Variants in ISLR2 observed in about 807,000 individuals in gnomAD.
The protein encoded by ISLR2 is immunoglobulin superfamily containing leucine-rich repeat protein 2.
Under a neutral mutation model 25.5 loss-of-function variants are expected in ISLR2, and 16 were observed. The observed-to-expected ratio is 0.63, with a 90% CI of 0.43 to 0.95. The LOEUF (loss-of-function observed/expected upper bound fraction) is 0.95. ISLR2 is among the 40% of genes least tolerant of loss of function. The pLI is 0.00. For synonymous variants in ISLR2, 508 were observed against 486.6 expected (o/e 1.04, Z -0.58); for missense variants, 883 against 1,030.7 (o/e 0.86, Z 1.96).
Position 74,136,159 on chromosome 15 carries a change from C to T in ISLR2, c.*1167C>T, listed in dbSNP as rs1429740406. The T allele has an allele frequency of 6.0e-6, 1 of 166,734 alleles. No homozygotes were observed. Among genetic ancestry groups the T allele is most frequent in the East Asian group, 1.9e-4 (1 of 5,182 alleles). 10.3% of individuals were successfully genotyped at this position (166,734 alleles called of 1,614,324 possible). A position where few individuals can be genotyped will look rare whatever the true frequency, so the allele number is the denominator to read the frequency against. On this transcript the variant is annotated 3_prime_UTR_variant, in exon 3 of 3. Transcript: ENST00000453268. ...ACCGCGCGCCCCTTGGCGGCTGAGC[C>T]TGTGGACTTGGTCGCGGGCCAATTT...
At chr15:74,119,233 C>T (rs1287133493) in intron 2 of ISLR2, among the ~76,000 whole-genome samples, 2 of 151,718 alleles carry the variant, frequency 1.3e-5, no homozygotes, top group Non-Finnish European at 2.9e-5. Flanking sequence ...TTTCCCCAGA[C>T]AGGGTCTTAC....
At chr15:74,121,263 G>A (rs2141937215) in intron 2 of ISLR2, among the ~76,000 whole-genome samples, 1 of 152,262 alleles carries the variant, frequency 6.6e-6, no homozygotes, top group African/African-American at 2.4e-5. Context: ...TGGGGCCCTG[G>A]GAGAGGCAAA....
At chr15:74,128,125 CATT>C, upstream of ISLR2, 1 of 300,546 alleles carries the variant, frequency 3.3e-6, no homozygotes, top group South Asian at 2.8e-5. Flanking sequence ...ACGTTATAAA[CATT>C]AGACCCGCTT....
Position 74,120,749 on chromosome 15 carries a change from G to A in ISLR2, n.229-10458G>A, listed in dbSNP as rs74608734. On this transcript the variant is annotated intron_variant and non_coding_transcript_variant, in intron 2 of 3. Transcript: ENST00000561975. ...ACCCTTTGTGATCTCATATGCAAAT[G>A]GGGGTGATAATGCATACTTCACAAA... Among the ~76,000 whole-genome samples, 1,491 of 152,138 alleles carry A rather than the reference G, an allele frequency of 9.8e-3. 12 individuals carry two copies. Among genetic ancestry groups the A allele is most frequent in the Non-Finnish European group, 0.014 (976 of 68,008 alleles).
intron 2 of ISLR2, among the ~76,000 whole-genome samples, chr15:74,108,888 G>T (rs944031983): frequency 8.5e-5 from 13 of 152,320 alleles, no homozygotes; most frequent in African/African-American, 3.1e-4. Flanking sequence ...AGGGTATCCA[G>T]ACAGAGGACC....
At chr15:74,123,371 G>A (rs983369220), upstream of ISLR2, among the ~76,000 whole-genome samples, 6 of 152,256 alleles carry the variant, frequency 3.9e-5, no homozygotes, top group East Asian at 7.7e-4. Context: ...GGCAGCCTGC[G>A]GCCCAAAAGC....
chr15:74,122,520 C>T (rs1244786586), intron 2 of ISLR2, among the ~76,000 whole-genome samples: 1 of 152,214 alleles, frequency 6.6e-6, no homozygotes, highest in Non-Finnish European at 1.5e-5. Context: ...ATCAGTCCAA[C>T]ATTGAGACTG....
At chr15:74,129,194 C>A (rs1183997049), upstream of ISLR2, 3 of 378,192 alleles carry the variant, frequency 7.9e-6, no homozygotes, top group Non-Finnish European at 5.3e-6. The surrounding 1 kb of genome is among the most constrained non-coding windows in gnomAD (Gnocchi z 4.5). Flanking sequence ...CTGGGCCGCC[C>A]GTAGCGACGG....
At chr15:74,107,843 G>A (rs527624500) in intron 2 of ISLR2, among the ~76,000 whole-genome samples, 11 of 152,336 alleles carry the variant, frequency 7.2e-5, no homozygotes, top group Middle Eastern at 3.4e-3. Context: ...GCCATGGGGT[G>A]TAGCAGAGCA....
In ISLR2 at chr15:74,133,960, G is replaced by A; in HGVS notation, c.1206G>A (p.Lys402=). 6.2e-7 allele frequency: 1 copy of A among 1,608,848 alleles called. No homozygotes were observed. Among genetic ancestry groups the A allele is most frequent in the East Asian group, 2.2e-5 (1 of 44,644 alleles). Residue 402 remains lysine, a synonymous_variant, in exon 3 of 3, where the codon AAG becomes AAA. Transcript: ENST00000453268. ...APTSERKSTA[K]GRGNSVLPSK... The stretch of plus-strand genomic sequence containing the variant: ...CCTCTGAGCGCAAGTCCACAGCCAA[G>A]GGCCGGGGCAACAGCGTCCTGCCTT...
At chr15:74,131,796 T>G (rs1231472342) in intron 2 of ISLR2, 1 of 152,278 alleles carries the variant, frequency 6.6e-6, no homozygotes, top group Admixed American at 6.5e-5. Context: ...TCCTTCCCCG[T>G]AAGGAAGGTT....
At chr15:74,126,461 C>G (rs1007988520), upstream of ISLR2, 1 of 150,028 alleles carries the variant, frequency 6.7e-6, no homozygotes, top group Non-Finnish European at 1.5e-5. Context: ...ATTCTCCTGC[C>G]TCAGCCTCCT....
intron 2 of ISLR2, chr15:74,103,962 T>G (rs1259174803): frequency 6.6e-6 from 1 of 152,196 alleles, no homozygotes; most frequent in Non-Finnish European, 1.5e-5. Context: ...TGAGTCAATT[T>G]AAACCTCTTT....
chr15:74,121,491 C>T (rs2072252237), intron 2 of ISLR2, among the ~76,000 whole-genome samples: 1 of 152,118 alleles, frequency 6.6e-6, no homozygotes, highest in Admixed American at 6.5e-5. Flanking sequence ...CACCCTTCCT[C>T]AGCTTGGATT....
chr15:74,116,824 A>G (rs568450726), intron 2 of ISLR2, among the ~76,000 whole-genome samples: 1 of 152,342 alleles, frequency 6.6e-6, no homozygotes, highest in East Asian at 1.9e-4. Flanking sequence ...CACCTGGAAT[A>G]CTGCATTGCT....
In ISLR2 at chr15:74,135,088, A is replaced by T. The variant is rs976099243; in HGVS notation, c.*96A>T. The T allele has an allele frequency of 4.3e-6, 6 of 1,406,844 alleles. No individual in the cohort carries two copies. The African/African-American group carries it at 8.6e-5, about 20-fold the overall frequency. The allele number at this position is 1,406,844 out of a possible 1,614,324, so 87.1% of individuals were successfully genotyped here. A position where few individuals can be genotyped will look rare whatever the true frequency, so the allele number is the denominator to read the frequency against. On this transcript the variant is annotated 3_prime_UTR_variant, in exon 3 of 3. Coordinates refer to ENST00000453268, the MANE Select transcript of ISLR2 (RefSeq NM_020851.3). ...GCAGGACTTATGTCCCCCGTCCCCA[A>T]CCTTCACCTACTCCTCCCCCTTACT... is the stretch of plus-strand genomic sequence containing the variant.
At chr15:74,113,212 C>T (rs1248486115) in intron 2 of ISLR2, among the ~76,000 whole-genome samples, 1 of 152,242 alleles carries the variant, frequency 6.6e-6, no homozygotes, top group African/African-American at 2.4e-5. Flanking sequence ...TGCTCGCTGT[C>T]CACCACTCAC....
Position 74,132,615 on chromosome 15 carries a change from T to C in ISLR2, c.-8-132T>C, listed in dbSNP as rs2072447500. The C allele has an allele frequency of 1.7e-5, 22 of 1,258,274 alleles. No homozygotes were observed. In the South Asian group the frequency reaches 3.3e-4, roughly 19 times the overall value. 77.9% of individuals were successfully genotyped at this position (1,258,274 alleles called of 1,614,324 possible). On this transcript the variant is annotated intron_variant, in intron 2 of 2. Transcript: ENST00000453268. The surrounding 1 kb of genome is among the most constrained non-coding windows in gnomAD (Gnocchi z 4.3). Reference sequence around the variant, plus strand: ...TTGACCTTCACTTCAGAGAGGCTCCTGGCCATAGAGGAGGTTACCGGAGCC... The same window carrying C: ...TTGACCTTCACTTCAGAGAGGCTCCCGGCCATAGAGGAGGTTACCGGAGCC...
rs571037529 is a variant in ISLR2 at position 74,132,489 on chromosome 15, G to A, written c.-8-258G>A. On this transcript the variant is annotated intron_variant, in intron 2 of 2. Coordinates refer to ENST00000453268, the MANE Select transcript of ISLR2 (RefSeq NM_020851.3). This position sits in a 1 kb window ranked among gnomAD's most constrained non-coding sequence, Gnocchi z 4.3. Reference sequence around the variant, plus strand: ...CCCACGGAGGGGCCAGCTCCAGCGTGAAGGAAGGAGTAGGAAGAGAAAAAA... The same window carrying A: ...CCCACGGAGGGGCCAGCTCCAGCGTAAAGGAAGGAGTAGGAAGAGAAAAAA... 2.0e-5 allele frequency among the ~76,000 whole-genome samples: 3 copies of A among 152,194 alleles called. No individual in the cohort carries two copies. The highest frequency in any genetic ancestry group is 4.4e-5 in the Non-Finnish European group (3 of 68,030).
Sources: gnomAD v4.1 joint callset for allele counts (sites outside exome capture counted in the v4.1 genomes callset) on GRCh38, gnomAD v4.1.1 for gene constraint, Gnocchi (gnomAD v3.1) non-coding constraint, MANE v1.5 for transcripts, NCBI Gene and HGNC (gene_info 2026-07-23, HGNC 2026-07-21) for gene names.